Variants in CABLES1 observed in about 807,000 individuals in gnomAD.
CABLES1 encodes CDK5 and ABL1 enzyme substrate 1.
In CABLES1, 36 loss-of-function variants were observed where a neutral mutation model predicts 57.8. That is an observed-to-expected ratio of 0.62 (90% confidence interval 0.48 to 0.82). The LOEUF is 0.82. Among genes scored for constraint, CABLES1 ranks in the 40% least tolerant of loss-of-function variants. The pLI, the probability that CABLES1 is intolerant of heterozygous loss-of-function variation, is 0.00. For missense variants in CABLES1, 767 were observed against 836.6 expected (o/e 0.92, Z 1.03); for synonymous variants, 374 against 363.0 (o/e 1.03, Z -0.35).
intron 1 of CABLES1, among the ~76,000 whole-genome samples, chr18:23,140,476 A>C (rs561467539): frequency 2.1e-5 from 3 of 143,896 alleles, no homozygotes; most frequent in Non-Finnish European, 4.5e-5. Context: ...TTGCTCTGTC[A>C]CCTAGGCTGG....
chr18:23,156,009 T>A, intron 1 of CABLES1: 1 of 1,599,670 alleles, frequency 6.3e-7, no homozygotes. Flanking sequence ...TTTTTTTGGC[T>A]CCCCCCTTTG....
chr18:23,223,095 A>C (rs2047501236), intron 4 of CABLES1, among the ~76,000 whole-genome samples: 1 of 152,226 alleles, frequency 6.6e-6, no homozygotes, highest in African/African-American at 2.4e-5. Flanking sequence ...AGATAAGGTC[A>C]CACTGGCTTC....
intron 3 of CABLES1, chr18:23,197,207 A>G (rs1477375093): frequency 6.6e-6 from 1 of 152,230 alleles, no homozygotes; most frequent in Non-Finnish European, 1.5e-5. Context: ...AACAAAACAA[A>G]AAACTTAAAT....
chr18:23,205,713 C>T (rs2047358387), intron 3 of CABLES1, among the ~76,000 whole-genome samples: 1 of 152,142 alleles, frequency 6.6e-6, no homozygotes, highest in South Asian at 2.1e-4. Flanking sequence ...GAAATTGAAG[C>T]CAGGTGTCGT....
At chr18:23,243,975 G>A (rs1598861900) in intron 7 of CABLES1, among the ~76,000 whole-genome samples, 1 of 151,212 alleles carries the variant, frequency 6.6e-6, no homozygotes, top group Non-Finnish European at 1.5e-5. Flanking sequence ...TTTGACAGTC[G>A]CTTCGTGATT....
intron 1 of CABLES1, among the ~76,000 whole-genome samples, chr18:23,149,518 G>A (rs943627253): frequency 2.0e-5 from 3 of 152,128 alleles, no homozygotes; most frequent in Non-Finnish European, 4.4e-5. Flanking sequence ...CTGAGCTCAA[G>A]CAGTGTACCC....
chr18:23,247,935 G>A (rs1475484099), intron 7 of CABLES1, among the ~76,000 whole-genome samples: 1 of 152,154 alleles, frequency 6.6e-6, no homozygotes, highest in Non-Finnish European at 1.5e-5. Context: ...CTGCTCATGG[G>A]CCCTCCCTGC....
intron 7 of CABLES1, among the ~76,000 whole-genome samples, chr18:23,240,589 T>G (rs1402454732): frequency 6.6e-6 from 1 of 152,224 alleles, no homozygotes; most frequent in East Asian, 1.9e-4. Context: ...GATTCCCTCC[T>G]GGGTGGGAAT....
intron 1 of CABLES1, among the ~76,000 whole-genome samples, chr18:23,155,249 T>TA (rs1315890322): frequency 6.6e-6 from 1 of 152,038 alleles, no homozygotes; most frequent in Admixed American, 6.6e-5. Context: ...AGATCTGGAA[T>TA]AAAAAAAATA....
Position 23,258,104 on chromosome 18 carries a change from G to C in CABLES1, c.*737G>C, listed in dbSNP as rs2048209758. On this transcript the variant is annotated 3_prime_UTR_variant, in exon 10 of 10. Transcript: ENST00000256925. ...TGTTACTGCTCCTACCCACCAAGGG[G>C]ATAAAGAAGGCGAGTTCTGAGTGTT... The C allele has an allele frequency of 6.6e-6, 1 of 152,304 alleles. No homozygotes were observed. The highest frequency in any genetic ancestry group is 2.4e-5 in the African/African-American group (1 of 41,456). 9.4% of individuals were successfully genotyped at this position (152,304 alleles called of 1,614,324 possible). A position where few individuals can be genotyped will look rare whatever the true frequency, so the allele number is the denominator to read the frequency against.
intron 1 of CABLES1, among the ~76,000 whole-genome samples, chr18:23,164,991 T>C (rs1319838670): frequency 6.6e-6 from 1 of 152,174 alleles, no homozygotes; most frequent in East Asian, 1.9e-4. Context: ...CAGGCTGGTC[T>C]CGAACTCCTG....
chr18:23,187,950 G>T (rs1372428550), intron 1 of CABLES1, among the ~76,000 whole-genome samples: 1 of 152,198 alleles, frequency 6.6e-6, no homozygotes. Context: ...CCTAGGCTAT[G>T]TTTTGCCAAA....
chr18:23,246,794 C>T (rs911411198), intron 7 of CABLES1, among the ~76,000 whole-genome samples: 2 of 151,798 alleles, frequency 1.3e-5, no homozygotes, highest in Non-Finnish European at 2.9e-5. Flanking sequence ...CAGGTTCAAG[C>T]GATTCTTCCT....
At chr18:23,180,123 G>A (rs1416255137) in intron 1 of CABLES1, among the ~76,000 whole-genome samples, 4 of 152,054 alleles carry the variant, frequency 2.6e-5, no homozygotes, top group South Asian at 2.1e-4. Context: ...GGGTTTCGCC[G>A]TGTTAGCCAG....
chr18:23,182,250 G>T (rs2047172549), intron 1 of CABLES1, among the ~76,000 whole-genome samples: 1 of 152,118 alleles, frequency 6.6e-6, no homozygotes, highest in South Asian at 2.1e-4. Context: ...TTGGTCTTTT[G>T]CGGGCCTCAG....
At chr18:23,243,601 G>A (rs1459615451) in intron 7 of CABLES1, among the ~76,000 whole-genome samples, 2 of 150,960 alleles carry the variant, frequency 1.3e-5, no homozygotes, top group African/African-American at 2.4e-5. Context: ...CACAGGCCTC[G>A]GTGGCTCATG....
chr18:23,184,807 T>C (rs1470891412), intron 1 of CABLES1, among the ~76,000 whole-genome samples: 1 of 152,202 alleles, frequency 6.6e-6, no homozygotes, highest in Non-Finnish European at 1.5e-5. Flanking sequence ...ATGAGGGCTC[T>C]TCCAGTTACA....
intron 1 of CABLES1, among the ~76,000 whole-genome samples, chr18:23,151,509 A>G (rs1288196755): frequency 2.0e-5 from 3 of 152,140 alleles, no homozygotes; most frequent in Non-Finnish European, 4.4e-5. Context: ...AGCTGATAGA[A>G]CTTGTAGGGA....
intron 1 of CABLES1, among the ~76,000 whole-genome samples, chr18:23,149,259 C>T (rs976683680): frequency 1.3e-5 from 2 of 151,948 alleles, no homozygotes; most frequent in African/African-American, 2.4e-5. Flanking sequence ...AACCTGTACT[C>T]ATCCAAAATT....
Sources: gnomAD v4.1 joint callset for allele counts (sites outside exome capture counted in the v4.1 genomes callset) on GRCh38, gnomAD v4.1.1 for gene constraint, MANE v1.5 for transcripts, NCBI Gene and HGNC (gene_info 2026-07-23, HGNC 2026-07-21) for gene names.